The following ATRNL1 variants were observed in gnomAD, a reference collection of about 807,000 sequenced individuals.
The protein encoded by ATRNL1 is attractin-like protein 1.
A neutral mutation model predicts 182.7 loss-of-function variants in ATRNL1; 95 were observed. The ratio of observed to expected loss-of-function variants is 0.52; its 90% CI spans 0.44 to 0.62. ATRNL1 has a LOEUF of 0.62. ATRNL1 is among the 20% of genes least tolerant of loss of function. ATRNL1 has a pLI of 0.00. For missense variants in ATRNL1, 1,471 were observed against 1,679.5 expected (o/e 0.88, Z 2.17); for synonymous variants, 576 against 568.3 (o/e 1.01, Z -0.19).
At chr10:115,561,680 TGTGTGTGTGG>T (rs1853726724) in intron 26 of ATRNL1, among the ~76,000 whole-genome samples, 2 of 98,880 alleles carry the variant, frequency 2.0e-5, no homozygotes, top group African/African-American at 3.5e-5. Context: ...TGTGTGTGTG[TGTGTGTGTGG>T]GTGTGTGTGT....
At chr10:115,865,549 A>G (rs1951421176) in intron 28 of ATRNL1, among the ~76,000 whole-genome samples, 1 of 152,270 alleles carries the variant, frequency 6.6e-6, no homozygotes, top group Admixed American at 6.5e-5. Context: ...GTGTATCTCT[A>G]TTTATTAAGT....
At chr10:115,863,662 A>G (rs546167530) in intron 28 of ATRNL1, among the ~76,000 whole-genome samples, 1 of 152,314 alleles carries the variant, frequency 6.6e-6, no homozygotes, top group Non-Finnish European at 1.5e-5. Context: ...GTGTGTTGGT[A>G]TACAATTGTA....
rs1946042290 is a variant in ATRNL1, at chr10:115,681,404, T to C, written c.3796-45844T>C. Reference sequence around the variant, plus strand: ...TTCTCATAATAATCCAGTGAGGCAGTAAAATTATTATCCCCACTTTAAAGA... The same window carrying C: ...TTCTCATAATAATCCAGTGAGGCAGCAAAATTATTATCCCCACTTTAAAGA... On this transcript the variant is annotated intron_variant, in intron 26 of 28. Transcript: ENST00000355044. 3.3e-5 allele frequency among the ~76,000 whole-genome samples: 5 copies of C among 152,074 alleles called. No homozygotes were observed. The South Asian group carries it at 1.0e-3, about 31-fold the overall frequency.
chr10:115,519,551 A>G (rs1263950052), intron 25 of ATRNL1, among the ~76,000 whole-genome samples: 4 of 152,166 alleles, frequency 2.6e-5, no homozygotes, highest in Non-Finnish European at 5.9e-5. Flanking sequence ...CAATGGATTC[A>G]GTGGAAAGAG....
At chr10:115,206,342 G>A (rs1040426875) in intron 8 of ATRNL1, among the ~76,000 whole-genome samples, 1 of 151,832 alleles carries the variant, frequency 6.6e-6, no homozygotes, top group Non-Finnish European at 1.5e-5. Context: ...GAATCTTTAG[G>A]ACTATTATTA....
chr10:115,301,877 G>T lies in ATRNL1; in HGVS notation c.2652G>T (p.Arg884Ser). ...CAGTTAGTCCAAATCAAAATGCGAG[G>T]CCGTGCAAAAAGCCATGCTCTCTGA... is the stretch of plus-strand genomic sequence containing the variant. ...KPVVSPNQNA[R>S]PCKKPCSLRT... Residue 884 changes from arginine (R) to serine (S), a missense_variant, in exon 17 of 29, where the codon AGG becomes AGT. Around this residue, in one of 3 missense-constraint regions of ATRNL1, gnomAD observed 1,031 missense variants for 1,156.0 expected, o/e 0.89. Transcript: ENST00000355044. The T allele has an allele frequency of 1.2e-6, 2 of 1,607,636 alleles. No homozygotes were observed. Among genetic ancestry groups the T allele is most frequent in the Non-Finnish European group, 1.7e-6 (2 of 1,177,522 alleles).
At chr10:115,651,193 G>T (rs1389282754) in intron 26 of ATRNL1, among the ~76,000 whole-genome samples, 1 of 152,062 alleles carries the variant, frequency 6.6e-6, no homozygotes, top group Admixed American at 6.6e-5. Context: ...TTGAAAATGT[G>T]ATCCAGTCTT....
intron 8 of ATRNL1, among the ~76,000 whole-genome samples, chr10:115,177,320 G>A (rs1592216029): frequency 6.6e-6 from 1 of 152,154 alleles, no homozygotes; most frequent in Admixed American, 6.5e-5. Flanking sequence ...AAGTGGAAAT[G>A]ATGGGTGGAA....
chr10:115,490,102 C>A (rs1849223652), intron 24 of ATRNL1, among the ~76,000 whole-genome samples: 1 of 152,156 alleles, frequency 6.6e-6, no homozygotes, highest in Non-Finnish European at 1.5e-5. Context: ...CACTGTTAGT[C>A]TGATGGGCTT....
chr10:115,210,290 A>T (rs191814236), intron 8 of ATRNL1, among the ~76,000 whole-genome samples: 47 of 152,086 alleles, frequency 3.1e-4, no homozygotes, highest in African/African-American at 1.1e-3. Context: ...CTAGATACTG[A>T]CATGGATATA....
intron 26 of ATRNL1, among the ~76,000 whole-genome samples, chr10:115,684,555 C>A: frequency 6.6e-6 from 1 of 150,768 alleles, no homozygotes; most frequent in African/African-American, 2.4e-5. Flanking sequence ...AGACTTTGTT[C>A]AAATAGAGCT....
chr10:115,527,311 G>T (rs978917383), intron 25 of ATRNL1, among the ~76,000 whole-genome samples: 3 of 151,972 alleles, frequency 2.0e-5, no homozygotes, highest in Non-Finnish European at 4.4e-5. Flanking sequence ...GGTAGAGATG[G>T]GGTTTCACCG....
intron 1 of ATRNL1, among the ~76,000 whole-genome samples, chr10:115,113,629 C>T (rs1045259023): frequency 2.0e-5 from 3 of 152,144 alleles, no homozygotes; most frequent in Admixed American, 6.5e-5. Context: ...CTGCTGCCAT[C>T]CATGTAAGAC....
Position 115,513,685 on chromosome 10 carries a change from A to ATAAT in ATRNL1, c.3655-5571_3655-5568dup, listed in dbSNP as rs1554983214. ...ATCCTTGTATCTGCCTTCCATTTCC[A>ATAAT]TAATTAATTATATCTTATTTTTAAA... is the stretch of plus-strand genomic sequence containing the variant. On this transcript the variant is annotated intron_variant, in intron 24 of 28. Coordinates refer to ENST00000355044, the MANE Select transcript of ATRNL1 (RefSeq NM_207303.4). Among the ~76,000 whole-genome samples the ATAAT allele has an allele frequency of 2.6e-5, 4 of 152,028 alleles. No homozygotes were observed. In the South Asian group the frequency reaches 6.2e-4, roughly 24 times the overall value.
intron 19 of ATRNL1, among the ~76,000 whole-genome samples, chr10:115,340,316 G>A (rs1346103126): frequency 6.6e-6 from 1 of 151,760 alleles, no homozygotes; most frequent in African/African-American, 2.4e-5. Context: ...TTAATTTTTG[G>A]ATTTTTAGTA....
At chr10:115,225,281 C>T (rs1849645182) in intron 9 of ATRNL1, among the ~76,000 whole-genome samples, 1 of 151,180 alleles carries the variant, frequency 6.6e-6, no homozygotes, top group Non-Finnish European at 1.5e-5. Context: ...ATGATAAAAC[C>T]TCTGGTGAAC....
intron 1 of ATRNL1, among the ~76,000 whole-genome samples, chr10:115,099,556 GAGTC>G (rs2085108404): frequency 6.6e-6 from 1 of 152,178 alleles, no homozygotes; most frequent in Non-Finnish European, 1.5e-5. Context: ...CACCAGCAGT[GAGTC>G]AGTGTTCTAT....
intron 9 of ATRNL1, among the ~76,000 whole-genome samples, chr10:115,223,929 A>ATATATTTTTTTTTTTT (rs1420143943): frequency 8.9e-5 from 4 of 44,714 alleles, no homozygotes; most frequent in African/African-American, 2.8e-4. Context: ...ATATATATAT[A>ATATATTTTTTTTTTTT]TTTTTTTTTT....
At chr10:115,819,652 T>C (rs1361487686) in intron 27 of ATRNL1, among the ~76,000 whole-genome samples, 1 of 152,130 alleles carries the variant, frequency 6.6e-6, no homozygotes, top group Non-Finnish European at 1.5e-5. Context: ...TCACTGTTTC[T>C]ATCTCTGTCC....
Sources: gnomAD v4.1 joint callset for allele counts (sites outside exome capture counted in the v4.1 genomes callset) on GRCh38, gnomAD v4.1.1 for gene constraint, gnomAD v4.1.1 regional missense constraint, MANE v1.5 for transcripts, NCBI Gene and HGNC (gene_info 2026-07-23, HGNC 2026-07-21) for gene names.